Variants in SLIT2 observed in about 807,000 individuals in gnomAD.
SLIT2 encodes slit guidance ligand 2.
A neutral mutation model predicts 185.7 loss-of-function variants in SLIT2; 41 were observed. That is an observed-to-expected ratio of 0.22 (90% CI 0.17 to 0.29). The LOEUF (loss-of-function observed/expected upper bound fraction) is 0.29, where lower values mean the gene tolerates loss of function less well. Ranked by LOEUF, SLIT2 falls within the 10% of genes least tolerant of loss-of-function variation. SLIT2 has a pLI of 1.00. For synonymous variants in SLIT2, 693 were observed against 680.2 expected, an observed-to-expected ratio of 1.02 and a Z score of -0.29; for missense variants, 1,571 against 1,909.0, an observed-to-expected ratio of 0.82 and a Z score of 3.30.
intron 4 of SLIT2, among the ~76,000 whole-genome samples, chr4:20,368,218 G>GTAAAAAAAA (rs1491456037): frequency 3.9e-5 from 1 of 25,932 alleles, no homozygotes; most frequent in Non-Finnish European, 8.5e-5. Flanking sequence ...TCACAAAATA[G>GTAAAAAAAA]CAAAAAAAAA....
At chr4:20,534,593 C>T (rs1722105668) in intron 18 of SLIT2, among the ~76,000 whole-genome samples, 1 of 152,102 alleles carries the variant, frequency 6.6e-6, no homozygotes. Flanking sequence ...AAACCAAACT[C>T]TGAAGCCTTT....
chr4:20,579,691 T>TA (rs954217479), intron 29 of SLIT2, among the ~76,000 whole-genome samples: 1 of 151,806 alleles, frequency 6.6e-6, no homozygotes, highest in African/African-American at 2.4e-5. Flanking sequence ...GTTGGCGAAA[T>TA]AAAAAAACCT....
intron 4 of SLIT2, among the ~76,000 whole-genome samples, chr4:20,403,930 T>G (rs1726558276): frequency 6.6e-6 from 1 of 150,442 alleles, no homozygotes; most frequent in Non-Finnish European, 1.5e-5. Flanking sequence ...CAAACACCCA[T>G]AAGTTGGAAG....
At chr4:20,600,538 T>C (rs1475043685) in intron 33 of SLIT2, among the ~76,000 whole-genome samples, 1 of 148,706 alleles carries the variant, frequency 6.7e-6, no homozygotes, top group Non-Finnish European at 1.5e-5. Context: ...TTCTCCTGCC[T>C]CGGCCTCCCA....
chr4:20,432,780 T>C (rs1197301371), intron 4 of SLIT2, among the ~76,000 whole-genome samples: 1 of 152,214 alleles, frequency 6.6e-6, no homozygotes, highest in Non-Finnish European at 1.5e-5. Context: ...TTTTCTTGAA[T>C]AGATTCATTA....
chr4:20,510,364 AT>A (rs922172157), intron 9 of SLIT2, 130 bp from the exon 10 acceptor site: 2 of 690,306 alleles, frequency 2.9e-6, no homozygotes, highest in African/African-American at 3.6e-5. Flanking sequence ...TTTAGTACTT[AT>A]TTTTCAGGAA....
At chr4:20,541,723 C>T (rs1035758951) in intron 20 of SLIT2, 104 bp downstream of exon 20, 17 of 1,027,232 alleles carry the variant, frequency 1.7e-5, no homozygotes, top group East Asian at 1.5e-4. Context: ...AAATAATGAT[C>T]GTGTATCTTT....
intron 3 of SLIT2, among the ~76,000 whole-genome samples, chr4:20,260,849 A>G (rs1364652610): frequency 1.3e-5 from 2 of 151,696 alleles, no homozygotes; most frequent in Non-Finnish European, 3.0e-5. Flanking sequence ...TAATAGTAAA[A>G]TACCTCCTCC....
intron 4 of SLIT2, among the ~76,000 whole-genome samples, chr4:20,369,523 C>G (rs1207337076): frequency 6.6e-6 from 1 of 152,118 alleles, no homozygotes; most frequent in Non-Finnish European, 1.5e-5. Context: ...AAAATATTTA[C>G]TCTCAGGCCC....
chr4:20,528,848 G>A lies in SLIT2; in HGVS notation c.1463-101G>A, dbSNP rs1016726202. ...CCAAAATACCCCAAGTTGTCTCCCT[G>A]CTACATAATCTATAGTTATCTTACT... On this transcript the variant is annotated intron_variant, in intron 15 of 36. Coordinates refer to ENST00000504154, the MANE Select transcript of SLIT2 (RefSeq NM_004787.4). The surrounding 1 kb of genome is among the most constrained non-coding windows in gnomAD (Gnocchi z 4.2). 7.7e-6 allele frequency: 7 copies of A among 912,780 alleles called. No individual in the cohort carries two copies. Among genetic ancestry groups the A allele is most frequent in the Non-Finnish European group, 1.1e-5 (7 of 616,570 alleles). 56.5% of individuals were successfully genotyped at this position (912,780 alleles called of 1,614,324 possible).
chr4:20,352,249 A>G (rs1721943295), intron 4 of SLIT2, among the ~76,000 whole-genome samples: 1 of 152,126 alleles, frequency 6.6e-6, no homozygotes, highest in African/African-American at 2.4e-5. Context: ...TTCATCATCC[A>G]TTGAACCTGT....
rs2148884995 is a variant in SLIT2, at chr4:20,546,045, A to T, written c.2291A>T (p.Asn764Ile). The change falls in exon 22 of 37, where the codon AAC (asparagine) becomes ATC (isoleucine). Residue 764 changes from asparagine to isoleucine, a missense_variant. Around this residue, in one of 3 missense-constraint regions of SLIT2, gnomAD observed 1,202 missense variants for 1,416.4 expected, o/e 0.85. Transcript: ENST00000504154. Reference sequence around the variant, plus strand: ...ATTGTTTTTAGGTATCTGGATGGAAACCAATTTACACTGGTTCCCAAGGAA... The same window carrying T: ...ATTGTTTTTAGGTATCTGGATGGAATCCAATTTACACTGGTTCCCAAGGAA... ...RDVTELYLDG[N>I]QFTLVPKELS... is the part of the protein sequence containing the mutation. 1 of 1,575,822 alleles carries T rather than the reference A, an allele frequency of 6.3e-7. No individual in the cohort carries two copies. The highest frequency in any genetic ancestry group is 8.7e-7 in the Non-Finnish European group (1 of 1,151,980).
intron 30 of SLIT2, among the ~76,000 whole-genome samples, chr4:20,590,699 C>T (rs564801821): frequency 4.2e-4 from 64 of 152,336 alleles, no homozygotes; most frequent in Non-Finnish European, 7.3e-4. Context: ...TATGAAATTA[C>T]GTGATTTCTT....
intron 4 of SLIT2, among the ~76,000 whole-genome samples, chr4:20,366,787 T>C (rs1037057022): frequency 6.6e-6 from 1 of 151,984 alleles, no homozygotes; most frequent in Non-Finnish European, 1.5e-5. Flanking sequence ...TTAGGGTTTT[T>C]TTAGTTTAGT....
In SLIT2 at chr4:20,504,100, G is replaced by A. The variant is rs190943682; in HGVS notation, c.915-6395G>A. On this transcript the variant is annotated intron_variant, in intron 9 of 36. Transcript: ENST00000504154. ...TGATTTACTGCTAAAGTTGGAAGTA[G>A]CATTCCAAAAATAGAAAGTACTTAC... 4.0e-3 allele frequency among the ~76,000 whole-genome samples: 610 copies of A among 152,186 alleles called. 5 individuals carry two copies. The highest frequency in any genetic ancestry group is 0.011 in the Admixed American group (167 of 15,282).
At chr4:20,353,455 A>T (rs1002925757) in intron 4 of SLIT2, among the ~76,000 whole-genome samples, 2 of 152,208 alleles carry the variant, frequency 1.3e-5, no homozygotes, top group African/African-American at 4.8e-5. Context: ...CAGACATGTT[A>T]CACAAATATT....
At chr4:20,415,829 A>G (rs1285100722) in intron 4 of SLIT2, among the ~76,000 whole-genome samples, 1 of 152,192 alleles carries the variant, frequency 6.6e-6, no homozygotes, top group Admixed American at 6.5e-5. Context: ...AAGAGATTTA[A>G]CATTTTTAAC....
intron 4 of SLIT2, among the ~76,000 whole-genome samples, chr4:20,416,276 G>C (rs532588569): frequency 1.3e-5 from 2 of 152,122 alleles, no homozygotes; most frequent in African/African-American, 2.4e-5. Context: ...GTTTGACATC[G>C]GGTTCCTGAC....
chr4:20,618,657 A>T, intron 36 of SLIT2, 111 bp from the exon 37 acceptor site: 1 of 1,112,482 alleles, frequency 9.0e-7, no homozygotes. Context: ...TATGTAAAGC[A>T]AGTTACAAAG....
Sources: gnomAD v4.1 joint callset for allele counts (sites outside exome capture counted in the v4.1 genomes callset) on GRCh38, gnomAD v4.1.1 for gene constraint, gnomAD v4.1.1 regional missense constraint, Gnocchi (gnomAD v3.1) non-coding constraint, MANE v1.5 for transcripts, NCBI Gene and HGNC (gene_info 2026-07-23, HGNC 2026-07-21) for gene names.